MYPN: variants seen among roughly 807,000 people sequenced by gnomAD.
MYPN encodes the protein myopalladin, also known as sarcomeric protein myopalladin, 145 kDa (MYOP).
Under a neutral mutation model 129.4 loss-of-function variants are expected in MYPN, and 63 were observed. The observed-to-expected ratio is 0.49, with a 90% CI of 0.40 to 0.60. MYPN has a LOEUF of 0.60. Among genes scored for constraint, MYPN ranks in the 20% least tolerant of loss-of-function variants. MYPN has a pLI of 0.00. For missense variants in MYPN, 1,596 were observed against 1,635.4 expected, an observed-to-expected ratio of 0.98 and a Z score of 0.42; for synonymous variants, 629 against 600.9, an observed-to-expected ratio of 1.05 and a Z score of -0.68.
intron 1 of MYPN, among the ~76,000 whole-genome samples, chr10:68,093,464 C>G (rs1054148712): frequency 1.3e-5 from 2 of 150,888 alleles, no homozygotes; most frequent in African/African-American, 4.9e-5. Context: ...ATAGGCCGAG[C>G]GTGGTGGCTC....
At chr10:68,136,739 C>A in intron 2 of MYPN, 11 of 1,534,110 alleles carry the variant, frequency 7.2e-6, no homozygotes, top group Non-Finnish European at 9.6e-6. Flanking sequence ...TTGGTAAGGA[C>A]GAGAAATGTT....
rs117979834 is a variant in MYPN, at chr10:68,199,661, T to A, written c.3493+86T>A. 1.4e-3 allele frequency: 1,884 copies of A among 1,340,528 alleles called. 56 individuals carry two copies. The East Asian group carries it at 0.037, about 26-fold the overall frequency. The allele number at this position is 1,340,528 out of a possible 1,614,324, so 83.0% of individuals were successfully genotyped here. A position where few individuals can be genotyped will look rare whatever the true frequency, so the allele number is the denominator to read the frequency against. ...CAGAGCCTCTGCCAGAATTCCTTCA[T>A]CCTTTGCCCTACTAACTCCAATCTC... On this transcript the variant is annotated intron_variant, in intron 17 of 19. Transcript: ENST00000358913.
At chr10:68,123,618 G>A (rs574642974) in intron 2 of MYPN, among the ~76,000 whole-genome samples, 5 of 141,302 alleles carry the variant, frequency 3.5e-5, no homozygotes, top group East Asian at 2.2e-4. Flanking sequence ...CCCGGGAGGC[G>A]GAACTTGCTG....
rs538178155 is a variant in MYPN at position 68,205,086 on chromosome 10, C to A, written c.3660-1684C>A. Among the ~76,000 whole-genome samples the A allele has an allele frequency of 2.6e-5, 4 of 152,258 alleles. No individual in the cohort carries two copies. The East Asian group carries it at 7.7e-4, about 29-fold the overall frequency. ...CCCTTGAATTGGCTACATTATATTT[C>A]AGTGCTTGAGAAATAGATTTTTAAA... is the stretch of plus-strand genomic sequence containing the variant. On this transcript the variant is annotated intron_variant, in intron 18 of 19. Coordinates refer to ENST00000358913, the MANE Select transcript of MYPN (RefSeq NM_032578.4).
intron 1 of MYPN, among the ~76,000 whole-genome samples, chr10:68,093,180 C>G (rs967343143): frequency 2.0e-5 from 3 of 152,108 alleles, no homozygotes; most frequent in Admixed American, 6.5e-5. Flanking sequence ...GTCCAGCTGT[C>G]TACAACATTT....
chr10:68,098,262 A>AT (rs1414067446), intron 1 of MYPN, among the ~76,000 whole-genome samples: 1 of 151,754 alleles, frequency 6.6e-6, no homozygotes. Flanking sequence ...AAAGATCTCA[A>AT]TTTTACTATG....
chr10:68,131,222 C>T (rs1207504336), intron 2 of MYPN, among the ~76,000 whole-genome samples: 1 of 152,064 alleles, frequency 6.6e-6, no homozygotes, highest in Non-Finnish European at 1.5e-5. Flanking sequence ...AACCCCGTCT[C>T]TACCAAAAAT....
intron 1 of MYPN, among the ~76,000 whole-genome samples, chr10:68,118,207 T>G (rs1295385634): frequency 6.6e-6 from 1 of 152,208 alleles, no homozygotes; most frequent in Non-Finnish European, 1.5e-5. Flanking sequence ...TATAAACTTT[T>G]TTAAAGTTCT....
chr10:68,182,351 T>C (rs956581678), intron 12 of MYPN, among the ~76,000 whole-genome samples: 2 of 96,118 alleles, frequency 2.1e-5, no homozygotes, highest in Non-Finnish European at 4.5e-5. Context: ...ATATATAACA[T>C]ATATATAACA....
At chr10:68,112,039 G>C (rs1038320547) in intron 1 of MYPN, among the ~76,000 whole-genome samples, 1 of 152,196 alleles carries the variant, frequency 6.6e-6, no homozygotes, top group African/African-American at 2.4e-5. Context: ...AAATATTTGA[G>C]TTGATAGGGA....
chr10:68,116,284 A>C (rs993040291), intron 1 of MYPN, among the ~76,000 whole-genome samples: 2 of 110,570 alleles, frequency 1.8e-5, no homozygotes, highest in African/African-American at 4.9e-5. Flanking sequence ...TTAATGCTTA[A>C]AAAAATAATT....
intron 2 of MYPN, among the ~76,000 whole-genome samples, chr10:68,138,980 C>T (rs2042530652): frequency 6.6e-6 from 1 of 152,162 alleles, no homozygotes; most frequent in African/African-American, 2.4e-5. Context: ...AATCCTCCAA[C>T]AGATTTGTGT....
At chr10:68,104,257 C>T (rs183088012), upstream of MYPN, among the ~76,000 whole-genome samples, 471 of 152,224 alleles carry the variant, frequency 3.1e-3, 1 homozygote, top group Middle Eastern at 0.017. Context: ...TTGGAGATGT[C>T]CAAGCAGACC....
At position 68,195,505 on chromosome 10, in the gene MYPN, G is replaced by T. The variant is rs142874859; in HGVS notation, c.3131G>T (p.Arg1044Leu). The T allele has an allele frequency of 5.6e-6, 9 of 1,613,964 alleles. No individual in the cohort carries two copies. The South Asian group carries it at 8.8e-5, about 16-fold the overall frequency. The change falls in exon 15 of 20, where the codon CGG (arginine) becomes CTG (leucine). Residue 1044 changes from arginine (R) to leucine (L), a missense_variant. By Grantham distance (102) the Arg-to-Leu change is moderately radical. Transcript: ENST00000358913. ...GTACAAAGTTTGCCCATTCGCAGTCGGCTAACCTCTGCTGGTCAGTCTCAC... is the reference window on the plus strand; with the variant it reads ...GTACAAAGTTTGCCCATTCGCAGTCTGCTAACCTCTGCTGGTCAGTCTCAC... ...LMVQSLPIRSRLTSAGQSHRG... is the reference protein window; with the variant it reads ...LMVQSLPIRSLLTSAGQSHRG...
At chr10:68,142,198 G>A (rs1466302215) in intron 2 of MYPN, among the ~76,000 whole-genome samples, 2 of 152,154 alleles carry the variant, frequency 1.3e-5, no homozygotes, top group African/African-American at 4.8e-5. Context: ...AACATTTAGA[G>A]TTTTGCCAAT....
chr10:68,150,458 CCTGGCTTAGGTG>C (rs1288723045), intron 6 of MYPN, among the ~76,000 whole-genome samples: 5 of 152,104 alleles, frequency 3.3e-5, no homozygotes, highest in African/African-American at 1.2e-4. Context: ...ATTGCAGGTA[CCTGGCTTAGGTG>C]CTCAAGGAGA....
intron 1 of MYPN, among the ~76,000 whole-genome samples, chr10:68,093,452 G>A (rs758045587): frequency 2.6e-5 from 4 of 151,582 alleles, no homozygotes; most frequent in Non-Finnish European, 5.9e-5. Flanking sequence ...GAAAGTAAAG[G>A]AATAGGCCGA....
chr10:68,134,814 T>TA (rs1305711458), intron 2 of MYPN, among the ~76,000 whole-genome samples: 1 of 151,988 alleles, frequency 6.6e-6, no homozygotes, highest in African/African-American at 2.4e-5. Context: ...ATTAATTAAT[T>TA]AATTAAATTA....
At chr10:68,206,699 G>A (rs1402630799) in intron 18 of MYPN, 71 bp from the exon 19 acceptor site, 7 of 1,606,106 alleles carry the variant, frequency 4.4e-6, no homozygotes, top group African/African-American at 1.3e-5. Context: ...CCTTCTTCCT[G>A]GAACCCTAAA....
Sources: allele counts gnomAD v4.1 joint callset (sites outside exome capture counted in the v4.1 genomes callset), GRCh38; gene constraint gnomAD v4.1.1; transcripts MANE v1.5; gene names NCBI Gene and HGNC (gene_info 2026-07-23, HGNC 2026-07-21).